MGAM2: variants seen among roughly 807,000 people sequenced by gnomAD.
MGAM2 encodes maltase-glucoamylase 2 (putative).
MGAM2 carries 98 observed loss-of-function variants against 96.1 expected under a neutral mutation model. The ratio of observed to expected loss-of-function variants is 1.02; its 90% CI spans 0.87 to 1.21. The LOEUF (loss-of-function observed/expected upper bound fraction) is 1.21, where lower values mean the gene tolerates loss of function less well. Among genes scored for constraint, MGAM2 ranks in the 50% most tolerant of loss-of-function variants. The pLI, the probability that MGAM2 is intolerant of heterozygous loss-of-function variation, is 0.00. For synonymous variants in MGAM2, 749 were observed against 414.8 expected, an observed-to-expected ratio of 1.81 and a Z score of -9.79; for missense variants, 2,055 against 1,182.4, an observed-to-expected ratio of 1.74 and a Z score of -10.82.
intron 46 of MGAM2, among the ~76,000 whole-genome samples, chr7:142,211,424 C>G (rs1328034121): frequency 6.6e-6 from 1 of 152,102 alleles, no homozygotes; most frequent in Admixed American, 6.5e-5. Flanking sequence ...TAACCCAATG[C>G]AAGGAAGCTA....
chr7:142,183,234 C>T (rs1796594862), intron 32 of MGAM2, 32 bp from the exon 33 acceptor site: 1 of 688,382 alleles, frequency 1.5e-6, no homozygotes, highest in Admixed American at 2.1e-5. Flanking sequence ...ATGTTTTCCT[C>T]ACATTTGCTG....
chr7:142,194,775 T>A (rs1796980255), intron 37 of MGAM2, among the ~76,000 whole-genome samples: 2 of 151,620 alleles, frequency 1.3e-5, no homozygotes, highest in African/African-American at 4.8e-5. Flanking sequence ...AAATTGGAAA[T>A]AACCCAAATG....
chr7:142,192,977 C>T (rs1269310214), intron 37 of MGAM2, among the ~76,000 whole-genome samples: 1 of 152,144 alleles, frequency 6.6e-6, no homozygotes, highest in Non-Finnish European at 1.5e-5. Flanking sequence ...ATTGTAAGCA[C>T]TCAACAAACA....
chr7:142,201,935 C>A (rs1280657144), intron 45 of MGAM2, among the ~76,000 whole-genome samples: 1 of 151,820 alleles, frequency 6.6e-6, no homozygotes, highest in East Asian at 1.9e-4. Flanking sequence ...GGTCAATAGT[C>A]ATGGAATATT....
At chr7:142,144,707 A>AC (rs1383965772) in intron 13 of MGAM2, among the ~76,000 whole-genome samples, 154 bp from the exon 14 acceptor site, 1 of 152,200 alleles carries the variant, frequency 6.6e-6, no homozygotes, top group Non-Finnish European at 1.5e-5. Flanking sequence ...AAAAGATGAA[A>AC]CAGAGGGTAA....
chr7:142,210,311 T>C (rs1318661080), intron 46 of MGAM2, among the ~76,000 whole-genome samples: 2 of 141,184 alleles, frequency 1.4e-5, no homozygotes, highest in Non-Finnish European at 3.1e-5. Flanking sequence ...TTTTTTTTTT[T>C]CATACCCTAG....
intron 3 of MGAM2, among the ~76,000 whole-genome samples, chr7:142,125,333 T>C (rs1409369306): frequency 6.6e-6 from 1 of 152,182 alleles, no homozygotes; most frequent in Admixed American, 6.5e-5. Flanking sequence ...TCTGGGATAT[T>C]GGTAATGGTT....
intron 3 of MGAM2, among the ~76,000 whole-genome samples, chr7:142,121,171 T>C (rs1473874802): frequency 6.6e-6 from 1 of 152,128 alleles, no homozygotes; most frequent in Admixed American, 6.6e-5. Context: ...CATATATACA[T>C]ATATTTCTTT....
At chr7:142,163,377 G>A (rs559993111) in intron 23 of MGAM2, among the ~76,000 whole-genome samples, 17 of 152,176 alleles carry the variant, frequency 1.1e-4, no homozygotes, top group Non-Finnish European at 1.8e-4. Context: ...CGCCTCCTGC[G>A]TTCAAGAGAT....
At chr7:142,143,039 G>C (rs565530603) in intron 12 of MGAM2, among the ~76,000 whole-genome samples, 57 of 152,248 alleles carry the variant, frequency 3.7e-4, no homozygotes, top group South Asian at 1.7e-3. Flanking sequence ...GGTATTTCAA[G>C]CTCCCATCTT....
At chr7:142,216,919 C>T (rs1797779153) in intron 46 of MGAM2, among the ~76,000 whole-genome samples, 1 of 152,122 alleles carries the variant, frequency 6.6e-6, no homozygotes, top group South Asian at 2.1e-4. Flanking sequence ...ACCTAACTGG[C>T]CTCACGTCTC....
intron 5 of MGAM2, 128 bp from the exon 6 acceptor site, chr7:142,131,803 G>C: frequency 1.6e-6 from 1 of 612,072 alleles, no homozygotes; most frequent in Non-Finnish European, 2.9e-6. Context: ...TCACAAATCA[G>C]AAGCCACAAG....
chr7:142,130,720 C>A (rs1360448069), intron 3 of MGAM2, among the ~76,000 whole-genome samples: 1 of 152,194 alleles, frequency 6.6e-6, no homozygotes, highest in Non-Finnish European at 1.5e-5. Context: ...GCTGAAGGCA[C>A]AAGCTATGTC....
chr7:142,123,978 T>A lies in MGAM2; in HGVS notation c.186+3597T>A, dbSNP rs6950928. 1.0e-3 allele frequency among the ~76,000 whole-genome samples: 145 copies of A among 140,042 alleles called. No individual in the cohort carries two copies. The East Asian group carries it at 0.013, about 13-fold the overall frequency. The allele number at this position is 140,042 out of a possible 152,430, so 91.9% of individuals were successfully genotyped here. The stretch of plus-strand genomic sequence containing the variant: ...AGTCCAGAAACTTTTTTTTTTTTTT[T>A]TTTTTTTTTTTTGAGACGGAGTCTT... On this transcript the variant is annotated intron_variant, in intron 3 of 47. Coordinates refer to ENST00000477922, the MANE Select transcript of MGAM2 (RefSeq NM_001293626.2).
chr7:142,208,339 T>C, intron 45 of MGAM2: 1 of 634,238 alleles, frequency 1.6e-6, no homozygotes, highest in South Asian at 1.5e-5. Flanking sequence ...CAGATTCTCT[T>C]GCATTTGTAA....
rs894411736 is a variant in MGAM2, at chr7:142,141,006, G to T, written c.1219-15G>T. ...AATTTATGAAAATAATATTTATATC[G>T]TATTTCTTTATTAGAATCCTGGCAT... On this transcript the variant is annotated splice_polypyrimidine_tract_variant and intron_variant, in intron 11 of 47. Coordinates refer to ENST00000477922, the MANE Select transcript of MGAM2 (RefSeq NM_001293626.2). 1.4e-6 allele frequency: 1 copy of T among 693,696 alleles called. No individual in the cohort carries two copies. The highest frequency in any genetic ancestry group is 1.8e-5 in the African/African-American group (1 of 56,512). The allele number at this position is 693,696 out of a possible 1,614,324, so 43.0% of individuals were successfully genotyped here.
At chr7:142,126,229 T>C (rs1794730209) in intron 3 of MGAM2, among the ~76,000 whole-genome samples, 1 of 152,092 alleles carries the variant, frequency 6.6e-6, no homozygotes, top group South Asian at 2.1e-4. Flanking sequence ...ATTCATATAT[T>C]GTGTATTAAT....
intron 17 of MGAM2, among the ~76,000 whole-genome samples, chr7:142,155,314 C>G (rs1795704080): frequency 6.6e-6 from 1 of 152,176 alleles, no homozygotes; most frequent in African/African-American, 2.4e-5. Flanking sequence ...CCAACTACTT[C>G]TCATGACTCA....
At chr7:142,187,269 T>C (rs1012272183) in intron 35 of MGAM2, among the ~76,000 whole-genome samples, 1 of 152,240 alleles carries the variant, frequency 6.6e-6, no homozygotes, top group Non-Finnish European at 1.5e-5. Flanking sequence ...CCTATGCCAA[T>C]ATCAGAATTA....
Sources: gnomAD v4.1 joint callset for allele counts (sites outside exome capture counted in the v4.1 genomes callset) on GRCh38, gnomAD v4.1.1 for gene constraint, MANE v1.5 for transcripts, NCBI Gene and HGNC (gene_info 2026-07-23, HGNC 2026-07-21) for gene names.